The following DOCK8 variants were observed in gnomAD, a reference collection of about 807,000 sequenced individuals.
The protein encoded by DOCK8 is dedicator of cytokinesis 8.
DOCK8 carries 141 observed loss-of-function variants against 245.6 expected under a neutral mutation model. The observed-to-expected ratio is 0.57, with a 90% CI of 0.50 to 0.66. The LOEUF (loss-of-function observed/expected upper bound fraction) is 0.66, where lower values mean the gene tolerates loss of function less well. Ranked by LOEUF, DOCK8 falls within the 30% of genes least tolerant of loss-of-function variation. The pLI, the probability that DOCK8 is intolerant of heterozygous loss-of-function variation, is 0.00. For synonymous variants in DOCK8, 1,168 were observed against 970.2 expected, an observed-to-expected ratio of 1.20 and a Z score of -3.79; for missense variants, 2,965 against 2,603.4, an observed-to-expected ratio of 1.14 and a Z score of -3.02.
At chr9:335,131 G>C (rs530801474) in intron 11 of DOCK8, among the ~76,000 whole-genome samples, 51 of 152,260 alleles carry the variant, frequency 3.3e-4, no homozygotes, top group African/African-American at 1.2e-3. Context: ...AAAATTTCCA[G>C]TTCGTTAAAG....
At chr9:294,694 A>G (rs923085205) in intron 4 of DOCK8, among the ~76,000 whole-genome samples, 16 of 152,240 alleles carry the variant, frequency 1.1e-4, no homozygotes. Flanking sequence ...TAGCAGTTTT[A>G]TTTGTAATTG....
intron 1 of DOCK8, among the ~76,000 whole-genome samples, chr9:225,145 A>G (rs1338312092): frequency 6.7e-6 from 1 of 149,444 alleles, no homozygotes; most frequent in Non-Finnish European, 1.5e-5. Flanking sequence ...ACAGACAAGC[A>G]GCCTATGCCC....
rs2056522352 is a variant in DOCK8 at position 426,885 on chromosome 9, A to G, written c.4242A>G (p.Lys1414=). Residue 1414 remains lysine (K), a splice_region_variant and synonymous_variant, in exon 34 of 48, where the codon AAA becomes AAG. Coordinates refer to ENST00000432829, the MANE Select transcript of DOCK8 (RefSeq NM_203447.4). ...AATTTGACCTCTTGTTGTTTCCTAG[A>G]ACAAAGGCCGAGTTAGATCAAGAAG... ...HWRQANEKLD[K]TKAELDQEAL... 1 of 1,614,094 alleles carries G rather than the reference A, an allele frequency of 6.2e-7. No homozygotes were observed. Among genetic ancestry groups the G allele is most frequent in the Admixed American group, 1.7e-5 (1 of 60,018 alleles).
At chr9:328,344 A>G (rs531541375) in intron 9 of DOCK8, among the ~76,000 whole-genome samples, 173 bp downstream of exon 9, 2 of 152,338 alleles carry the variant, frequency 1.3e-5, no homozygotes, top group Admixed American at 6.5e-5. Flanking sequence ...TTCAGATACT[A>G]GAAAGACTAG....
At chr9:451,170 A>G (rs2057419475) in intron 45 of DOCK8, among the ~76,000 whole-genome samples, 1 of 151,772 alleles carries the variant, frequency 6.6e-6, no homozygotes, top group East Asian at 1.9e-4. Context: ...AAAATTAGCC[A>G]GTGTGGTGGC....
At chr9:374,190 G>C (rs924339072) in intron 18 of DOCK8, among the ~76,000 whole-genome samples, 11 of 152,266 alleles carry the variant, frequency 7.2e-5, no homozygotes, top group African/African-American at 2.6e-4. Context: ...TGTGTTTATA[G>C]ATATACCCTT....
intron 6 of DOCK8, among the ~76,000 whole-genome samples, chr9:315,353 G>C (rs1321798547): frequency 6.6e-6 from 1 of 152,086 alleles, no homozygotes; most frequent in Admixed American, 6.6e-5. Flanking sequence ...ATTTCAGTTA[G>C]CTATAAAGCC....
chr9:440,606 T>C (rs2057063937), intron 40 of DOCK8, among the ~76,000 whole-genome samples: 1 of 152,248 alleles, frequency 6.6e-6, no homozygotes, highest in South Asian at 2.1e-4. Flanking sequence ...ACTAACTCTT[T>C]GGAGGCATAC....
intron 42 of DOCK8, 152 bp from the exon 43 acceptor site, chr9:443,275 C>G (rs2057149704): frequency 2.7e-6 from 2 of 734,234 alleles, no homozygotes; most frequent in African/African-American, 3.5e-5. Context: ...TTAGGAAATG[C>G]TGAACTTTGC....
At chr9:270,965 A>G (rs182939027) in intron 1 of DOCK8, among the ~76,000 whole-genome samples, 2 of 152,234 alleles carry the variant, frequency 1.3e-5, no homozygotes, top group Non-Finnish European at 2.9e-5. Flanking sequence ...ACTGGCCAGC[A>G]GTCACATGCC....
chr9:353,066 C>A lies in DOCK8; in HGVS notation c.1679+12745C>A, dbSNP rs117730722. On this transcript the variant is annotated intron_variant, in intron 14 of 47. Coordinates refer to ENST00000432829, the MANE Select transcript of DOCK8 (RefSeq NM_203447.4). ...ACACTATGCTTGGTGCTGAAATAGA[C>A]AAGGAGGGGACTGCCTGTCTTGGAA... is the stretch of plus-strand genomic sequence containing the variant. Among the ~76,000 whole-genome samples, 422 of 152,266 alleles carry A rather than the reference C, an allele frequency of 2.8e-3. 1 individual carries two copies. The highest frequency in any genetic ancestry group is 3.8e-3 in the Non-Finnish European group (257 of 68,012).
intron 2 of DOCK8, among the ~76,000 whole-genome samples, chr9:279,489 A>T (rs1172069768): frequency 2.0e-5 from 3 of 152,212 alleles, no homozygotes; most frequent in Non-Finnish European, 4.4e-5. Flanking sequence ...AAACCTAGTA[A>T]AAGTGGTATC....
intron 2 of DOCK8, among the ~76,000 whole-genome samples, chr9:282,409 TTTTG>T (rs2048626652): frequency 3.6e-5 from 5 of 137,786 alleles, no homozygotes. Context: ...TTTTGTTTCG[TTTTG>T]TTTTTTTTTT....
At chr9:235,916 C>G (rs779833620) in intron 1 of DOCK8, among the ~76,000 whole-genome samples, 1 of 152,218 alleles carries the variant, frequency 6.6e-6, no homozygotes, top group Non-Finnish European at 1.5e-5. Context: ...TGTCCTGTAC[C>G]TACTGTCTGG....
intron 1 of DOCK8, among the ~76,000 whole-genome samples, chr9:242,245 C>T (rs1238885600): frequency 6.6e-6 from 1 of 152,090 alleles, no homozygotes; most frequent in Non-Finnish European, 1.5e-5. Context: ...CCTCACCACC[C>T]CCCAAAAAAT....
chr9:380,042 C>T, intron 21 of DOCK8, 107 bp downstream of exon 21: 1 of 1,228,062 alleles, frequency 8.1e-7, no homozygotes, highest in Non-Finnish European at 1.1e-6. Context: ...CAGGGGCTCA[C>T]ATCTGCAACC....
Position 464,257 on chromosome 9 carries a change from A to G in DOCK8, c.*38A>G. ...TCATTCGTGGAGACTGTGGCCCTGCAACCCTGGAGAAGGACTTGCTGGTAC... is the reference window on the plus strand; with the variant it reads ...TCATTCGTGGAGACTGTGGCCCTGCGACCCTGGAGAAGGACTTGCTGGTAC... On this transcript the variant is annotated 3_prime_UTR_variant, in exon 48 of 48. Transcript: ENST00000432829. 3 of 1,563,956 alleles carry G rather than the reference A, an allele frequency of 1.9e-6. No homozygotes were observed. The highest frequency in any genetic ancestry group is 1.1e-5 in the South Asian group (1 of 90,050).
chr9:332,651 T>C (rs1455304855), intron 10 of DOCK8, among the ~76,000 whole-genome samples, 173 bp downstream of exon 10: 3 of 18,780 alleles, frequency 1.6e-4, no homozygotes, highest in African/African-American at 3.1e-4. Context: ...ATGATGACTT[T>C]TTTTTTTTTT....
At chr9:364,784 T>C (rs1412448403) in intron 14 of DOCK8, among the ~76,000 whole-genome samples, 2 of 152,204 alleles carry the variant, frequency 1.3e-5, no homozygotes, top group African/African-American at 4.8e-5. Context: ...TGTACTTTTA[T>C]GTTATGCAAG....
Sources: allele counts gnomAD v4.1 joint callset (sites outside exome capture counted in the v4.1 genomes callset), GRCh38; gene constraint gnomAD v4.1.1; transcripts MANE v1.5; gene names NCBI Gene and HGNC (gene_info 2026-07-23, HGNC 2026-07-21).